The following ADGB variants were observed in gnomAD, a reference collection of about 807,000 sequenced individuals.
ADGB encodes the protein calpain-7-like protein.
ADGB carries 172 observed loss-of-function variants against 210.5 expected under a neutral mutation model. The observed-to-expected ratio is 0.82, with a 90% CI of 0.72 to 0.93. The LOEUF is 0.93. Ranked by LOEUF, ADGB falls within the 40% of genes least tolerant of loss-of-function variation. The pLI, the probability that ADGB is intolerant of heterozygous loss-of-function variation, is 0.00. For synonymous variants in ADGB, 658 were observed against 662.7 expected (o/e 0.99, Z 0.11); for missense variants, 2,025 against 1,964.8 (o/e 1.03, Z -0.58).
chr6:146,701,171 G>A, intron 13 of ADGB, 101 bp downstream of exon 13: 9 of 1,294,058 alleles, frequency 7.0e-6, no homozygotes, highest in South Asian at 5.5e-5. Flanking sequence ...TGTATAACAT[G>A]GATCTGAACA....
intron 23 of ADGB, among the ~76,000 whole-genome samples, chr6:146,740,168 G>T (rs539136904): frequency 8.5e-5 from 13 of 152,098 alleles, no homozygotes; most frequent in African/African-American, 2.9e-4. Flanking sequence ...TTTGGTTCTG[G>T]TTTTCCCCCT....
intron 27 of ADGB, among the ~76,000 whole-genome samples, chr6:146,762,001 AT>A (rs549436638): frequency 9.1e-4 from 139 of 151,982 alleles, no homozygotes; most frequent in African/African-American, 3.0e-3. Flanking sequence ...ATGTTTTACC[AT>A]TTTTCTGTCA....
At chr6:146,662,669 G>A (rs1023183230) in intron 5 of ADGB, among the ~76,000 whole-genome samples, 8 of 151,822 alleles carry the variant, frequency 5.3e-5, no homozygotes, top group African/African-American at 1.9e-4. Flanking sequence ...CTGGGTTTTG[G>A]TATGATAGGT....
chr6:146,638,672 T>A (rs1386959797), intron 2 of ADGB, among the ~76,000 whole-genome samples: 1 of 149,592 alleles, frequency 6.7e-6, no homozygotes, highest in Non-Finnish European at 1.5e-5. Context: ...AGTTACTGGG[T>A]GCAGCACACC....
Position 146,788,446 on chromosome 6 carries a change from A to G in ADGB, c.4373A>G (p.Glu1458Gly). Residue 1458 changes from glutamate to glycine, a missense_variant, in exon 33 of 36, where the codon GAG becomes GGG. By Grantham distance (98) the Glu-to-Gly change is moderately conservative. Transcript: ENST00000397944. ...EPNSKNSAGSESKEMTQTGSG... is the reference protein window; with the variant it reads ...EPNSKNSAGSGSKEMTQTGSG... ...AACTCAAAGAATTCTGCAGGTTCAG[A>G]GAGCAAAGAGATGACACAAACAGGA... 6.4e-7 allele frequency: 1 copy of G among 1,551,610 alleles called. No individual in the cohort carries two copies. The highest frequency in any genetic ancestry group is 8.7e-7 in the Non-Finnish European group (1 of 1,146,928).
intron 33 of ADGB, among the ~76,000 whole-genome samples, chr6:146,800,603 T>C (rs998855280): frequency 6.6e-6 from 1 of 152,194 alleles, no homozygotes; most frequent in African/African-American, 2.4e-5. Context: ...GTCTTTTAAA[T>C]CTGTTCTTGT....
At chr6:146,613,064 GC>G (rs1003176292) in intron 1 of ADGB, among the ~76,000 whole-genome samples, 1 of 152,000 alleles carries the variant, frequency 6.6e-6, no homozygotes, top group African/African-American at 2.4e-5. Flanking sequence ...TTTGTTATAA[GC>G]CCCTTCATTT....
chr6:146,727,330 G>A (rs748164470), intron 19 of ADGB, among the ~76,000 whole-genome samples: 6 of 152,046 alleles, frequency 3.9e-5, no homozygotes, highest in Non-Finnish European at 8.8e-5. Context: ...AGTTCCCAGG[G>A]CTGCCTCCTC....
chr6:146,799,386 T>C (rs1241878060), intron 33 of ADGB, among the ~76,000 whole-genome samples: 1 of 151,800 alleles, frequency 6.6e-6, no homozygotes, highest in Admixed American at 6.6e-5. Context: ...ATACAAAAAT[T>C]AGCTTGGCGT....
At chr6:146,783,824 A>C (rs896749230) in intron 30 of ADGB, among the ~76,000 whole-genome samples, 1 of 152,108 alleles carries the variant, frequency 6.6e-6, no homozygotes, top group African/African-American at 2.4e-5. Context: ...AGCCTCACCT[A>C]CGTAAAACTT....
chr6:146,778,007 T>C (rs1379283717), intron 29 of ADGB, among the ~76,000 whole-genome samples: 1 of 152,122 alleles, frequency 6.6e-6, no homozygotes, highest in Non-Finnish European at 1.5e-5. Context: ...CAGCCATATT[T>C]TGTGACAACA....
At chr6:146,807,541 C>A in intron 35 of ADGB, 1 of 1,550,528 alleles carries the variant, frequency 6.4e-7, no homozygotes. Flanking sequence ...GAAAAGATGA[C>A]CCCAGCTCCT....
chr6:146,679,457 C>A (rs563931218), intron 9 of ADGB, among the ~76,000 whole-genome samples: 12 of 152,128 alleles, frequency 7.9e-5, no homozygotes, highest in Admixed American at 6.6e-5. Context: ...ACAGTAACTG[C>A]GATATAAACT....
intron 33 of ADGB, among the ~76,000 whole-genome samples, chr6:146,797,081 C>A (rs575371080): frequency 3.9e-5 from 6 of 152,028 alleles, no homozygotes; most frequent in Non-Finnish European, 5.9e-5. Flanking sequence ...AAATGGCCAA[C>A]AAACATATGA....
At chr6:146,799,551 AAAGG>A (rs1462426429) in intron 33 of ADGB, among the ~76,000 whole-genome samples, 2 of 149,542 alleles carry the variant, frequency 1.3e-5, no homozygotes, top group South Asian at 2.1e-4. Flanking sequence ...AAAAAAAAAA[AAAGG>A]AAGGAAGGAA....
intron 1 of ADGB, among the ~76,000 whole-genome samples, chr6:146,624,697 A>T (rs1562258092): frequency 1.3e-5 from 2 of 151,562 alleles, no homozygotes; most frequent in East Asian, 3.9e-4. Context: ...TATTATTTTG[A>T]TACTTGACTA....
At chr6:146,736,173 A>C (rs1423261790) in intron 22 of ADGB, among the ~76,000 whole-genome samples, 1 of 152,186 alleles carries the variant, frequency 6.6e-6, no homozygotes, top group Non-Finnish European at 1.5e-5. Context: ...TTTTTCTGAG[A>C]TAAGATCTGT....
chr6:146,723,962 G>C (rs1259157308), intron 17 of ADGB, among the ~76,000 whole-genome samples: 2 of 152,128 alleles, frequency 1.3e-5, no homozygotes, highest in East Asian at 3.9e-4. Context: ...TTCTTCACTT[G>C]AGAGGATTGT....
intron 20 of ADGB, among the ~76,000 whole-genome samples, chr6:146,732,606 T>G (rs1777009921): frequency 6.6e-6 from 1 of 152,086 alleles, no homozygotes; most frequent in Non-Finnish European, 1.5e-5. Flanking sequence ...ATTTTATACT[T>G]AGATAATTAC....
Sources: gnomAD v4.1 joint callset for allele counts (sites outside exome capture counted in the v4.1 genomes callset) on GRCh38, gnomAD v4.1.1 for gene constraint, MANE v1.5 for transcripts, NCBI Gene and HGNC (gene_info 2026-07-23, HGNC 2026-07-21) for gene names.